The following DOCK9 variants were observed in gnomAD, a reference collection of about 807,000 sequenced individuals.
The protein encoded by DOCK9 is dedicator of cytokinesis protein 9.
A neutral mutation model predicts 263.3 loss-of-function variants in DOCK9; 89 were observed. That is an observed-to-expected ratio of 0.34 (90% CI 0.28 to 0.40). DOCK9 has a LOEUF of 0.40. Ranked by LOEUF, DOCK9 falls within the 10% of genes least tolerant of loss-of-function variation. The pLI is 1.00. For synonymous variants in DOCK9, 976 were observed against 973.1 expected (o/e 1.00, Z -0.06); for missense variants, 2,140 against 2,603.4 (o/e 0.82, Z 3.87).
At chr13:98,835,731 CTCTTT>C (rs1311108612) in intron 39 of DOCK9, among the ~76,000 whole-genome samples, 8 of 127,086 alleles carry the variant, frequency 6.3e-5, no homozygotes, top group African/African-American at 2.4e-4. Context: ...TTCTTTACAA[CTCTTT>C]TTTTTTTTTT....
intron 1 of DOCK9, among the ~76,000 whole-genome samples, chr13:99,007,447 G>A (rs1355496182): frequency 6.6e-6 from 1 of 151,752 alleles, no homozygotes; most frequent in Admixed American, 6.6e-5. Flanking sequence ...AAGCAAAAAG[G>A]TCACTGCTTC....
At chr13:98,849,071 C>T (rs192983363) in intron 36 of DOCK9, among the ~76,000 whole-genome samples, 333 of 152,078 alleles carry the variant, frequency 2.2e-3, no homozygotes, top group Admixed American at 7.7e-3. Flanking sequence ...ATGGATTATA[C>T]ACACCAAGTG....
intron 1 of DOCK9, among the ~76,000 whole-genome samples, chr13:99,060,628 A>G (rs1171931848): frequency 6.6e-6 from 1 of 152,194 alleles, no homozygotes; most frequent in Non-Finnish European, 1.5e-5. Context: ...CCAACATAAC[A>G]ATAACAGACA....
At chr13:98,996,983 G>A (rs1264175431) in intron 1 of DOCK9, among the ~76,000 whole-genome samples, 1 of 152,210 alleles carries the variant, frequency 6.6e-6, no homozygotes, top group African/African-American at 2.4e-5. Context: ...TGGCATAACA[G>A]AAAGAAGACA....
chr13:98,919,370 A>G (rs908427816), intron 7 of DOCK9, among the ~76,000 whole-genome samples: 1 of 152,108 alleles, frequency 6.6e-6, no homozygotes, highest in African/African-American at 2.4e-5. Context: ...AAGCGTTGAG[A>G]TTACAGGCGT....
At chr13:99,005,499 G>T (rs376554136) in intron 1 of DOCK9, among the ~76,000 whole-genome samples, 2 of 152,170 alleles carry the variant, frequency 1.3e-5, no homozygotes, top group East Asian at 3.9e-4. Context: ...AGGCCTTAGG[G>T]TTTTCTTCCA....
In DOCK9 at chr13:98,886,568, A is replaced by C. The variant is rs758661614; in HGVS notation, c.2100T>G (p.Val700=). Residue 700 remains valine (V), a synonymous_variant, in exon 19 of 53, where the codon GTT becomes GTG. Coordinates refer to ENST00000682017, the MANE Select transcript of DOCK9 (RefSeq NM_001366683.2). ...ATTCTGGGTTTTGGTGATGGTGTAA[A>C]ACTGCAGCAAAGGCGCTTCTTGTGA... ...PVFTRSAFAA[V]LHHHQNPEFY... is the part of the protein sequence containing the mutation. 5 of 1,613,918 alleles carry C rather than the reference A, an allele frequency of 3.1e-6. No homozygotes were observed. The highest frequency in any genetic ancestry group is 4.2e-6 in the Non-Finnish European group (5 of 1,179,820).
intron 39 of DOCK9, 151 bp from the exon 40 acceptor site, chr13:98,831,937 A>G (rs1344482012): frequency 2.2e-6 from 2 of 921,236 alleles, no homozygotes; most frequent in Non-Finnish European, 3.2e-6. Flanking sequence ...AAAGTACAGA[A>G]TTCTTTTGTA....
intron 2 of DOCK9, among the ~76,000 whole-genome samples, chr13:98,949,517 A>AAAAC (rs1249278703): frequency 6.6e-6 from 1 of 152,232 alleles, no homozygotes; most frequent in East Asian, 1.9e-4. Context: ...GCCAATGTAG[A>AAAAC]AAACATTGGA....
At chr13:98,941,154 T>C (rs2055774528) in intron 2 of DOCK9, among the ~76,000 whole-genome samples, 2 of 152,224 alleles carry the variant, frequency 1.3e-5, no homozygotes, top group Admixed American at 1.3e-4. Flanking sequence ...CTAAGATTAC[T>C]CAAAGATACT....
chr13:99,037,998 T>C (rs6491477), intron 1 of DOCK9, among the ~76,000 whole-genome samples: 33,874 of 152,132 alleles, frequency 0.22, 3,775 homozygotes, highest in Middle Eastern at 0.31. Flanking sequence ...GTGATAAACA[T>C]GTACATCATC....
intron 1 of DOCK9, among the ~76,000 whole-genome samples, chr13:98,988,130 C>T (rs1422157402): frequency 2.0e-5 from 3 of 152,082 alleles, no homozygotes; most frequent in Non-Finnish European, 4.4e-5. Context: ...TTTATTACCA[C>T]TTGGGAAGTA....
intron 1 of DOCK9, among the ~76,000 whole-genome samples, chr13:99,072,047 T>C (rs562753123): frequency 1.6e-4 from 25 of 152,312 alleles, no homozygotes; most frequent in African/African-American, 5.5e-4. Context: ...CCCCACCTTT[T>C]TTGCTATATC....
At chr13:98,988,100 TA>T (rs530345924) in intron 1 of DOCK9, among the ~76,000 whole-genome samples, 5 of 152,230 alleles carry the variant, frequency 3.3e-5, no homozygotes, top group Middle Eastern at 3.4e-3. Flanking sequence ...TTAGGCACTT[TA>T]AAAAAAATTT....
At chr13:98,973,426 C>T (rs1286595115) in intron 1 of DOCK9, among the ~76,000 whole-genome samples, 2 of 152,174 alleles carry the variant, frequency 1.3e-5, no homozygotes. Context: ...CAACCAGAAG[C>T]CAAGTCCTAC....
Position 98,794,495 on chromosome 13 carries a change from T to G in DOCK9, c.*131A>C, listed in dbSNP as rs1052113240. On this transcript the variant is annotated 3_prime_UTR_variant, in exon 53 of 53. Coordinates refer to ENST00000682017, the MANE Select transcript of DOCK9 (RefSeq NM_001366683.2). ...GAAAGTCTGTTAAGAAATAACGTTG[T>G]TCTTTATTTCCTTTCTCTCCCCTTC... 5.1e-6 allele frequency: 5 copies of G among 981,654 alleles called. No homozygotes were observed. Among genetic ancestry groups the G allele is most frequent in the Non-Finnish European group, 7.4e-6 (5 of 679,614 alleles). 60.8% of individuals were successfully genotyped at this position (981,654 alleles called of 1,614,324 possible). A position where few individuals can be genotyped will look rare whatever the true frequency, so the allele number is the denominator to read the frequency against.
At chr13:99,068,048 C>T (rs952525042) in intron 1 of DOCK9, among the ~76,000 whole-genome samples, 10 of 152,114 alleles carry the variant, frequency 6.6e-5, no homozygotes, top group African/African-American at 1.7e-4. Flanking sequence ...TAATCTTCAA[C>T]CCCCCACCTC....
chr13:98,984,888 C>A (rs1878075768), intron 1 of DOCK9, among the ~76,000 whole-genome samples: 1 of 152,112 alleles, frequency 6.6e-6, no homozygotes, highest in African/African-American at 2.4e-5. Flanking sequence ...GAAAAACAAA[C>A]CACTCAATGG....
At position 98,916,426 on chromosome 13, in the gene DOCK9, T is replaced by A. The variant is rs2050898791; in HGVS notation, c.718-923A>T. ...GCGATATGAAATCAAACACTCCCAC[T>A]AACCTGAGCCAGCAGGACAGCCCCC... On this transcript the variant is annotated intron_variant, in intron 7 of 52. Transcript: ENST00000682017. Among the ~76,000 whole-genome samples, 3 of 152,254 alleles carry A rather than the reference T, an allele frequency of 2.0e-5. No homozygotes were observed. In the South Asian group the frequency reaches 6.2e-4, roughly 32 times the overall value.
Sources: gnomAD v4.1 joint callset for allele counts (sites outside exome capture counted in the v4.1 genomes callset) on GRCh38, gnomAD v4.1.1 for gene constraint, MANE v1.5 for transcripts, NCBI Gene and HGNC (gene_info 2026-07-23, HGNC 2026-07-21) for gene names.